Variants in STAT4 observed in about 807,000 individuals in gnomAD.
STAT4 encodes signal transducer and activator of transcription 4.
Under a neutral mutation model 110.5 loss-of-function variants are expected in STAT4, and 42 were observed. The observed-to-expected ratio is 0.38, with a 90% CI of 0.30 to 0.49. The LOEUF (loss-of-function observed/expected upper bound fraction) is 0.49. Among genes scored for constraint, STAT4 ranks in the 20% least tolerant of loss-of-function variants. STAT4 has a pLI of 0.95. For synonymous variants in STAT4, 284 were observed against 302.2 expected (o/e 0.94, Z 0.63); for missense variants, 632 against 887.9 (o/e 0.71, Z 3.66).
At position 191,130,728 on chromosome 2, in the gene STAT4, A is replaced by G. The variant is rs1699013070; in HGVS notation, c.273+15885T>C. 1.3e-5 allele frequency among the ~76,000 whole-genome samples: 2 copies of G among 151,478 alleles called. 1 individual carries two copies. The highest frequency in any genetic ancestry group is 1.3e-4 in the Admixed American group (2 of 15,232). On this transcript the variant is annotated intron_variant, in intron 3 of 23. Transcript: ENST00000392320. ...GTTTTTCTTAATTTTTGTTTCCGTGATTTCTTTTAATTTGTGGTGAGCTTA... is the reference window on the plus strand; with the variant it reads ...GTTTTTCTTAATTTTTGTTTCCGTGGTTTCTTTTAATTTGTGGTGAGCTTA...
intron 3 of STAT4, among the ~76,000 whole-genome samples, chr2:191,128,926 C>G (rs866087790): frequency 6.6e-6 from 1 of 152,122 alleles, no homozygotes; most frequent in African/African-American, 2.4e-5. Flanking sequence ...ATAGAAGTTC[C>G]CATAATTTAA....
chr2:191,136,188 A>G (rs2125432494), intron 3 of STAT4, among the ~76,000 whole-genome samples: 1 of 152,326 alleles, frequency 6.6e-6, no homozygotes, highest in African/African-American at 2.4e-5. Flanking sequence ...GTGAAATTCA[A>G]TGTCCTTCAT....
intron 4 of STAT4, among the ~76,000 whole-genome samples, chr2:191,074,762 C>A (rs1697263479): frequency 6.6e-6 from 1 of 151,944 alleles, no homozygotes; most frequent in Admixed American, 6.6e-5. Context: ...AAAATGATAC[C>A]ATCCTTCTTC....
At chr2:191,111,982 C>T (rs992852563) in intron 3 of STAT4, among the ~76,000 whole-genome samples, 2 of 151,922 alleles carry the variant, frequency 1.3e-5, no homozygotes, top group Admixed American at 6.6e-5. Flanking sequence ...AGGCAGAGCA[C>T]GGAGAGGTAG....
rs1456195088 is a variant in STAT4, at chr2:191,116,139, G to A, written c.273+30474C>T. Among the ~76,000 whole-genome samples the A allele has an allele frequency of 6.6e-6, 1 of 152,196 alleles. No homozygotes were observed. The highest frequency in any genetic ancestry group is 2.4e-5 in the African/African-American group (1 of 41,444). ...TACATGTAATGCTTTGGTAAGGGCCGTGATGGACAAAGTCAATGGTACTCT... is the reference window on the plus strand; with the variant it reads ...TACATGTAATGCTTTGGTAAGGGCCATGATGGACAAAGTCAATGGTACTCT... On this transcript the variant is annotated intron_variant, in intron 3 of 23. Transcript: ENST00000392320. The surrounding 1 kb of genome is among the most constrained non-coding windows in gnomAD (Gnocchi z 4.1).
chr2:191,058,250 G>C lies in STAT4; in HGVS notation c.1095-31C>G. 1 of 1,582,798 alleles carries C rather than the reference G, an allele frequency of 6.3e-7. No individual in the cohort carries two copies. The highest frequency in any genetic ancestry group is 8.7e-7 in the Non-Finnish European group (1 of 1,153,846). ...AAACCAAGAAGATTCTTTAAAACAA[G>C]CTATTTAATAGATCTAGGAATAACT... On this transcript the variant is annotated intron_variant, in intron 11 of 23. Transcript: ENST00000392320. The surrounding 1 kb of genome is among the most constrained non-coding windows in gnomAD (Gnocchi z 4.3).
In STAT4 at chr2:191,138,191, G is replaced by A. The variant is rs1303197520; in HGVS notation, c.273+8422C>T. On this transcript the variant is annotated intron_variant, in intron 3 of 23. Coordinates refer to ENST00000392320, the MANE Select transcript of STAT4 (RefSeq NM_003151.4). This position sits in a 1 kb window ranked among gnomAD's most constrained non-coding sequence, Gnocchi z 4.3. ...AACCAAATAATCCCATTAAAAAGTG[G>A]GCAAAAATATGAATAGACATTTCTC... Among the ~76,000 whole-genome samples the A allele has an allele frequency of 6.6e-6, 1 of 151,318 alleles. No homozygotes were observed. The highest frequency in any genetic ancestry group is 1.5e-5 in the Non-Finnish European group (1 of 67,818).
chr2:191,047,918 G>A (rs556602746), intron 14 of STAT4, among the ~76,000 whole-genome samples: 2 of 152,230 alleles, frequency 1.3e-5, no homozygotes, highest in Admixed American at 6.5e-5. Context: ...TGCCTGTCTC[G>A]GACTCCCAAA....
rs965433158 is a variant in STAT4, at chr2:191,051,802, G to T, written c.1251+2688C>A. On this transcript the variant is annotated intron_variant, in intron 14 of 23. Coordinates refer to ENST00000392320, the MANE Select transcript of STAT4 (RefSeq NM_003151.4). This position sits in a 1 kb window ranked among gnomAD's most constrained non-coding sequence, Gnocchi z 5.6. ...CAGGGACACGGGATCAGACTGCCAC[G>T]GTTTTATCTTGGCCCTGCCATCAAC... 1.0e-5 allele frequency among the ~76,000 whole-genome samples: 1 copy of T among 97,820 alleles called. No homozygotes were observed. The highest frequency in any genetic ancestry group is 3.1e-5 in the African/African-American group (1 of 32,752). 64.2% of individuals were successfully genotyped at this position (97,820 alleles called of 152,430 possible). A position where few individuals can be genotyped will look rare whatever the true frequency, so the allele number is the denominator to read the frequency against.
rs1696085243 is a variant in STAT4, at chr2:191,037,908, A to G, written c.1434+1291T>C. On this transcript the variant is annotated intron_variant, in intron 16 of 23. Transcript: ENST00000392320. This position sits in a 1 kb window ranked among gnomAD's most constrained non-coding sequence, Gnocchi z 4.8. Reference sequence around the variant, plus strand: ...AGAATTAAGAGGAGAAACCAGGATTAGTTGTTTAGACTGGTTCTGTAACTA... The same window carrying G: ...AGAATTAAGAGGAGAAACCAGGATTGGTTGTTTAGACTGGTTCTGTAACTA... Among the ~76,000 whole-genome samples the G allele has an allele frequency of 6.6e-6, 1 of 152,190 alleles. No homozygotes were observed.
intron 3 of STAT4, 121 bp from the exon 4 acceptor site, chr2:191,076,446 G>C: frequency 1.4e-6 from 1 of 734,960 alleles, no homozygotes; most frequent in South Asian, 1.9e-5. Flanking sequence ...AATTACTTGG[G>C]ATTTGTTCCA....
At position 191,031,654 on chromosome 2, in the gene STAT4, T is replaced by TG; in HGVS notation, c.2045-139dup. 1.5e-6 allele frequency: 1 copy of TG among 673,400 alleles called. No individual in the cohort carries two copies. Among genetic ancestry groups the TG allele is most frequent in the Non-Finnish European group, 2.5e-6 (1 of 394,400 alleles). The allele number at this position is 673,400 out of a possible 1,614,324, so 41.7% of individuals were successfully genotyped here. A position where few individuals can be genotyped will look rare whatever the true frequency, so the allele number is the denominator to read the frequency against. On this transcript the variant is annotated intron_variant, in intron 21 of 23. Coordinates refer to ENST00000392320, the MANE Select transcript of STAT4 (RefSeq NM_003151.4). This position sits in a 1 kb window ranked among gnomAD's most constrained non-coding sequence, Gnocchi z 4.8. ...GCAGTTGTTCGGTGATACACAGAAA[T>TG]GTTTTGTTAAATAGGGGACACAATC... is the stretch of plus-strand genomic sequence containing the variant.
Position 191,073,086 on chromosome 2 carries a change from A to G in STAT4, c.465+12T>C, listed in dbSNP as rs1241671603. ...ATCTAGACTTTCTAGGTATCTGTAT[A>G]AAAGCACTTACCTGCACACTGTTTT... On this transcript the variant is annotated intron_variant, in intron 5 of 23. Transcript: ENST00000392320. 1 of 1,611,988 alleles carries G rather than the reference A, an allele frequency of 6.2e-7. No homozygotes were observed. The highest frequency in any genetic ancestry group is 8.5e-7 in the Non-Finnish European group (1 of 1,178,170).
chr2:191,119,029 G>C, intron 3 of STAT4, among the ~76,000 whole-genome samples: 1 of 152,186 alleles, frequency 6.6e-6, no homozygotes. Context: ...GCCTCCCAAA[G>C]TGCTGGGATG....
chr2:191,034,498 C>A, intron 18 of STAT4, 50 bp downstream of exon 18: 2 of 1,379,202 alleles, frequency 1.5e-6, no homozygotes, highest in Non-Finnish European at 2.1e-6. Flanking sequence ...TAGAAAGGAA[C>A]ATTGTATTAA....
Position 191,031,296 on chromosome 2 carries a change from G to A in STAT4, c.2111+154C>T. On this transcript the variant is annotated intron_variant, in intron 22 of 23. Coordinates refer to ENST00000392320, the MANE Select transcript of STAT4 (RefSeq NM_003151.4). The surrounding 1 kb of genome is among the most constrained non-coding windows in gnomAD (Gnocchi z 4.8). ...TTTTAGGCACAATAGATTGTGGTAAGTGTGCCCTGAAGGCTAGCCTTATGT... is the reference window on the plus strand; with the variant it reads ...TTTTAGGCACAATAGATTGTGGTAAATGTGCCCTGAAGGCTAGCCTTATGT... 1.1e-6 allele frequency: 1 copy of A among 917,118 alleles called. No individual in the cohort carries two copies. Among genetic ancestry groups the A allele is most frequent in the South Asian group, 1.8e-5 (1 of 56,978 alleles). 56.8% of individuals were successfully genotyped at this position (917,118 alleles called of 1,614,324 possible).
rs183008601 is a variant in STAT4, at chr2:191,060,584, A to G, written c.1034+1145T>C. ...CAGGCATGAGCCAACATGCTCAGCT[A>G]ATTTTTCTATTTTTAGTAGAGATGG... On this transcript the variant is annotated intron_variant, in intron 10 of 23. Transcript: ENST00000392320. This position sits in a 1 kb window ranked among gnomAD's most constrained non-coding sequence, Gnocchi z 4.5. Among the ~76,000 whole-genome samples the G allele has an allele frequency of 2.0e-3, 308 of 152,116 alleles. No individual in the cohort carries two copies. The highest frequency in any genetic ancestry group is 6.8e-3 in the African/African-American group (284 of 41,478).
Position 191,146,322 on chromosome 2 carries a change from T to G in STAT4, c.273+291A>C, listed in dbSNP as rs1162362044. On this transcript the variant is annotated intron_variant, in intron 3 of 23. Coordinates refer to ENST00000392320, the MANE Select transcript of STAT4 (RefSeq NM_003151.4). The surrounding 1 kb of genome is among the most constrained non-coding windows in gnomAD (Gnocchi z 4.5). Reference sequence around the variant, plus strand: ...CTGCTGGAGAGCCGTGAAACTGTGGTCTGGTCAGTGTTGTTGAACTGAATC... The same window carrying G: ...CTGCTGGAGAGCCGTGAAACTGTGGGCTGGTCAGTGTTGTTGAACTGAATC... 6.6e-6 allele frequency among the ~76,000 whole-genome samples: 1 copy of G among 152,144 alleles called. No individual in the cohort carries two copies. Among genetic ancestry groups the G allele is most frequent in the African/African-American group, 2.4e-5 (1 of 41,430 alleles).
At chr2:191,145,903 A>G (rs1187704674) in intron 3 of STAT4, among the ~76,000 whole-genome samples, 1 of 152,144 alleles carries the variant, frequency 6.6e-6, no homozygotes. Flanking sequence ...AATTCTTTAG[A>G]TCCCTGATTC....
Sources: gnomAD v4.1 joint callset for allele counts (sites outside exome capture counted in the v4.1 genomes callset) on GRCh38, gnomAD v4.1.1 for gene constraint, Gnocchi (gnomAD v3.1) non-coding constraint, MANE v1.5 for transcripts, NCBI Gene and HGNC (gene_info 2026-07-23, HGNC 2026-07-21) for gene names.